SYNE1: variants seen among roughly 807,000 people sequenced by gnomAD.
SYNE1 encodes the protein nesprin-1.
Under a neutral mutation model 1,111.0 loss-of-function variants are expected in SYNE1, and 616 were observed. The ratio of observed to expected loss-of-function variants is 0.55; its 90% CI spans 0.52 to 0.59. SYNE1 has a LOEUF of 0.59. Among genes scored for constraint, SYNE1 ranks in the 20% least tolerant of loss-of-function variants. The pLI, the probability that SYNE1 is intolerant of heterozygous loss-of-function variation, is 0.00. For synonymous variants in SYNE1, 3,855 were observed against 3,825.8 expected (o/e 1.01, Z -0.28); for missense variants, 10,006 against 10,417.0 (o/e 0.96, Z 1.72).
At chr6:152,139,567 T>C (rs1409205867) in intron 140 of SYNE1, among the ~76,000 whole-genome samples, 3 of 57,148 alleles carry the variant, frequency 5.2e-5, no homozygotes, top group African/African-American at 1.5e-4. Flanking sequence ...TGAGACTCCA[T>C]CAAAAAAAAA....
intron 3 of SYNE1, among the ~76,000 whole-genome samples, chr6:152,568,289 C>CTTTTTTTTTTTTTTTT (rs10601350): frequency 8.7e-5 from 7 of 80,284 alleles, no homozygotes; most frequent in Non-Finnish European, 1.1e-4. Context: ...TTATTTTATT[C>CTTTTTTTTTTTTTTTT]TTTTTTTTTT....
intron 6 of SYNE1, chr6:152,511,467 A>T: frequency 3.0e-6 from 3 of 1,009,972 alleles, no homozygotes; most frequent in Non-Finnish European, 4.7e-6. Context: ...TGAGAAGTTT[A>T]AGAAGATGCA....
chr6:152,448,405 C>T (rs546075004), intron 28 of SYNE1, among the ~76,000 whole-genome samples: 1 of 152,286 alleles, frequency 6.6e-6, no homozygotes, highest in East Asian at 1.9e-4. Context: ...CTGTTGGTTC[C>T]AGACCCCAGT....
chr6:152,169,561 C>CA (rs371955068), intron 130 of SYNE1, among the ~76,000 whole-genome samples: 207 of 18,094 alleles, frequency 0.011, 39 homozygotes, highest in East Asian at 0.016. Context: ...GACTCCATCT[C>CA]AAAAAAAAAA....
At chr6:152,549,815 T>G (rs192131201) in intron 3 of SYNE1, among the ~76,000 whole-genome samples, 2 of 152,190 alleles carry the variant, frequency 1.3e-5, no homozygotes, top group African/African-American at 4.8e-5. Flanking sequence ...CTCTTAAGAC[T>G]TTCAGAATTG....
chr6:152,196,329 C>CT (rs971485525), intron 127 of SYNE1, among the ~76,000 whole-genome samples: 1 of 152,056 alleles, frequency 6.6e-6, no homozygotes, highest in African/African-American at 2.4e-5. Flanking sequence ...TCTTGCCTCT[C>CT]TTTTTTGTAA....
At chr6:152,176,065 C>T (rs1057122190) in intron 130 of SYNE1, among the ~76,000 whole-genome samples, 2 of 148,652 alleles carry the variant, frequency 1.3e-5, no homozygotes, top group African/African-American at 2.5e-5. Context: ...TCCACAAATA[C>T]TGGTCAGCAG....
intron 144 of SYNE1, 23 bp downstream of exon 144, chr6:152,132,099 G>GA: frequency 6.2e-7 from 1 of 1,607,422 alleles, no homozygotes; most frequent in Non-Finnish European, 8.5e-7. Context: ...TGGGCCAACT[G>GA]AAAACGACCA....
intron 81 of SYNE1, among the ~76,000 whole-genome samples, chr6:152,324,569 C>T (rs1424532515): frequency 6.6e-6 from 1 of 151,924 alleles, no homozygotes; most frequent in South Asian, 2.1e-4. Flanking sequence ...CTGAGGCGGG[C>T]GGATCACGAG....
intron 115 of SYNE1, 48 bp downstream of exon 115, chr6:152,230,499 C>A (rs779320755): frequency 1.3e-6 from 2 of 1,579,110 alleles, no homozygotes; most frequent in East Asian, 2.2e-5. Flanking sequence ...TATTAGCATA[C>A]GCTATGAAAT....
At chr6:152,603,930 TATGTATATAGATATACTTTCTATATAG>T (rs2099603900) in intron 3 of SYNE1, among the ~76,000 whole-genome samples, 1 of 146,052 alleles carries the variant, frequency 6.8e-6, no homozygotes, top group Admixed American at 6.9e-5. Context: ...CATATATGTA[TATGTATATAGATATACTTTCTATATAG>T]ATATAAATAT....
intron 77 of SYNE1, among the ~76,000 whole-genome samples, chr6:152,332,892 T>C (rs1450865162): frequency 6.6e-6 from 1 of 152,188 alleles, no homozygotes; most frequent in Non-Finnish European, 1.5e-5. Flanking sequence ...TATGAGGAGT[T>C]CTGTTTTGGA....
At chr6:152,604,995 AG>A (rs2099608632) in intron 3 of SYNE1, among the ~76,000 whole-genome samples, 1 of 28,270 alleles carries the variant, frequency 3.5e-5, no homozygotes, top group Non-Finnish European at 6.4e-5. Context: ...AAAGAAAGAA[AG>A]AAAGAAAGAA....
intron 129 of SYNE1, among the ~76,000 whole-genome samples, chr6:152,179,131 T>G (rs1453221641): frequency 6.6e-6 from 1 of 151,986 alleles, no homozygotes; most frequent in African/African-American, 2.4e-5. Flanking sequence ...GCCAGGCTGG[T>G]CTCAAAATCC....
At chr6:152,527,925 T>A (rs1188529662) in intron 4 of SYNE1, among the ~76,000 whole-genome samples, 1 of 152,200 alleles carries the variant, frequency 6.6e-6, no homozygotes, top group Non-Finnish European at 1.5e-5. Flanking sequence ...CTACTCATGC[T>A]GCAGGTGCTT....
In SYNE1 at chr6:152,416,668, G is replaced by A. The variant is rs1276411614; in HGVS notation, c.5769C>T (p.Ala1923=). The A allele has an allele frequency of 2.5e-6, 4 of 1,614,046 alleles. No individual in the cohort carries two copies. Among genetic ancestry groups the A allele is most frequent in the East Asian group, 4.5e-5 (2 of 44,896 alleles). Residue 1923 remains alanine (A), a synonymous_variant, in exon 41 of 146, where the codon GCC becomes GCT. Transcript: ENST00000367255. The stretch of plus-strand genomic sequence containing the variant: ...TGGAAAGAATGCCATCCAGACTGAC[G>A]GCAGCAGATTCTAATGCTTTAGCAT... ...LQNAKALESA[A]VSLDGILSKA...
rs557008292 is a variant in SYNE1, at chr6:152,249,487, A to G, written c.19471-225T>C. 8.5e-5 allele frequency among the ~76,000 whole-genome samples: 13 copies of G among 152,358 alleles called. No individual in the cohort carries two copies. The South Asian group carries it at 2.7e-3, about 32-fold the overall frequency. ...ACCCAAAGTATTTTCTACATAACAC[A>G]AATGAAGTTGAACCATACATGTAAA... On this transcript the variant is annotated intron_variant, in intron 104 of 145. Transcript: ENST00000367255.
chr6:152,133,298 A>G lies in SYNE1; in HGVS notation c.25979T>C (p.Leu8660Ser). 6.2e-7 allele frequency: 1 copy of G among 1,614,196 alleles called. No homozygotes were observed. ...SRHIKELEKL[L>S]DVSSSQQDLS... Reference sequence around the variant, plus strand: ...TACCTGCTGACTACTTGACACGTCTAATAACTTCTCCAGTTCCTTGATATG... The same window carrying G: ...TACCTGCTGACTACTTGACACGTCTGATAACTTCTCCAGTTCCTTGATATG... Residue 8660 changes from leucine to serine, a missense_variant, in exon 143 of 146, where the codon TTA (leucine) becomes TCA (serine). Around this residue, in one of 7 missense-constraint regions of SYNE1, gnomAD observed 761 missense variants for 795.5 expected, o/e 0.96. Coordinates refer to ENST00000367255, the MANE Select transcript of SYNE1 (RefSeq NM_182961.4).
chr6:152,313,784 T>C (rs759973731), intron 87 of SYNE1, among the ~76,000 whole-genome samples: 1 of 152,164 alleles, frequency 6.6e-6, no homozygotes, highest in Non-Finnish European at 1.5e-5. Context: ...GCTGCTTTAC[T>C]TCCTAAAGGG....
Sources: gnomAD v4.1 joint callset for allele counts (sites outside exome capture counted in the v4.1 genomes callset) on GRCh38, gnomAD v4.1.1 for gene constraint, gnomAD v4.1.1 regional missense constraint, MANE v1.5 for transcripts, NCBI Gene and HGNC (gene_info 2026-07-23, HGNC 2026-07-21) for gene names.